Variants in HELZ observed in about 807,000 individuals in gnomAD.
The protein encoded by HELZ is helicase with zinc finger, also known as ATP-dependent RNA helicase with zinc finger domain.
Under a neutral mutation model 218.2 loss-of-function variants are expected in HELZ, and 23 were observed. The observed-to-expected ratio is 0.11, with a 90% confidence interval of 0.08 to 0.15. The LOEUF (loss-of-function observed/expected upper bound fraction) is 0.15, where lower values mean the gene tolerates loss of function less well. HELZ is among the 10% of genes least tolerant of loss of function. HELZ has a pLI of 1.00. For missense variants in HELZ, 1,813 were observed against 2,353.7 expected, an observed-to-expected ratio of 0.77 and a Z score of 4.75; for synonymous variants, 814 against 829.4, an observed-to-expected ratio of 0.98 and a Z score of 0.32.
At chr17:67,218,535 C>T in intron 4 of HELZ, 60 bp downstream of exon 4, 3 of 1,274,340 alleles carry the variant, frequency 2.4e-6, no homozygotes, top group Non-Finnish European at 3.4e-6. Flanking sequence ...ATCGTCACCC[C>T]TCAATGAAAA....
upstream of HELZ, chr17:67,245,846 C>T (rs1055627265): frequency 2.6e-5 from 4 of 152,232 alleles, no homozygotes; most frequent in African/African-American, 9.7e-5. Context: ...GCGGTCTCCT[C>T]CTCCGGGCGG....
In HELZ at chr17:67,108,575, G is replaced by A. The variant is rs760495940; in HGVS notation, c.4641C>T (p.Pro1547=). ...HPHLQHLPQP[P]LGLHQPPVRA... ...TCACTGGCGGCTGATGTAATCCCAG[G>A]GGCGGCTGAGGAAGATGCTGGAGGT... is the stretch of plus-strand genomic sequence containing the variant. Residue 1547 remains proline, a synonymous_variant, in exon 30 of 33, where the codon CCC becomes CCT. Transcript: ENST00000358691. The surrounding 1 kb of genome is among the most constrained non-coding windows in gnomAD (Gnocchi z 4.1). The A allele has an allele frequency of 8.1e-6, 13 of 1,613,914 alleles. No individual in the cohort carries two copies. In the South Asian group the frequency reaches 1.4e-4, roughly 18 times the overall value.
chr17:67,180,771 G>A (rs2039585117), intron 12 of HELZ, among the ~76,000 whole-genome samples: 1 of 151,846 alleles, frequency 6.6e-6, no homozygotes, highest in Non-Finnish European at 1.5e-5. Flanking sequence ...CCAGCTACTC[G>A]GGAGGCTGAG....
chr17:67,218,462 A>C, intron 4 of HELZ, 133 bp downstream of exon 4: 1 of 730,892 alleles, frequency 1.4e-6, no homozygotes, highest in Middle Eastern at 2.9e-4. Context: ...CTTGCCATCA[A>C]ATATATTCAG....
At chr17:67,106,837 C>A (rs927149518) in intron 31 of HELZ, among the ~76,000 whole-genome samples, 1 of 152,150 alleles carries the variant, frequency 6.6e-6, no homozygotes, top group African/African-American at 2.4e-5. Context: ...ATAATTAACA[C>A]ATGTAACTTA....
chr17:67,223,920 G>T (rs572024276), intron 3 of HELZ, among the ~76,000 whole-genome samples: 1 of 152,184 alleles, frequency 6.6e-6, no homozygotes, highest in African/African-American at 2.4e-5. Context: ...CCTCTGATCT[G>T]TTGCTGACCT....
Position 67,178,990 on chromosome 17 carries a change from A to G in HELZ, c.1163-64T>C, listed in dbSNP as rs986579306. On this transcript the variant is annotated intron_variant, in intron 12 of 32. Transcript: ENST00000358691. ...ACATTAAAATTTTTAAATAACATTA[A>G]AATTCTTAACTATATTACATATTTT... 2.8e-6 allele frequency: 3 copies of G among 1,086,366 alleles called. No individual in the cohort carries two copies. The African/African-American group carries it at 4.8e-5, about 17-fold the overall frequency. 67.3% of individuals were successfully genotyped at this position (1,086,366 alleles called of 1,614,324 possible). A position where few individuals can be genotyped will look rare whatever the true frequency, so the allele number is the denominator to read the frequency against.
chr17:67,090,045 T>C (rs1232306987), intron 31 of HELZ, among the ~76,000 whole-genome samples: 1 of 152,080 alleles, frequency 6.6e-6, no homozygotes, highest in East Asian at 1.9e-4. Context: ...AGCTGCAGAA[T>C]TGTTATAGAT....
At chr17:67,214,833 T>C (rs4791307) in intron 5 of HELZ, among the ~76,000 whole-genome samples, 45,452 of 151,874 alleles carry the variant, frequency 0.3, 7,873 homozygotes, top group East Asian at 0.69. Flanking sequence ...GCAAGAATCT[T>C]ATTAATCTCA....
intron 17 of HELZ, among the ~76,000 whole-genome samples, chr17:67,155,111 A>G (rs148309799): frequency 1.3e-5 from 2 of 152,372 alleles, no homozygotes; most frequent in Non-Finnish European, 2.9e-5. Context: ...CTTTGTCAGA[A>G]GGGTTGAAAG....
chr17:67,179,002 A>T, intron 12 of HELZ, 76 bp from the exon 13 acceptor site: 1 of 944,660 alleles, frequency 1.1e-6, no homozygotes, highest in Non-Finnish European at 1.5e-6. Context: ...ATTCTTAACT[A>T]TATTACATAT....
intron 23 of HELZ, among the ~76,000 whole-genome samples, chr17:67,132,403 C>T (rs2038015799): frequency 6.6e-6 from 1 of 152,224 alleles, no homozygotes; most frequent in African/African-American, 2.4e-5. Context: ...TAGCCTCCTG[C>T]CATTCCGTGC....
Position 67,203,403 on chromosome 17 carries a change from C to G in HELZ, c.288G>C (p.Arg96=). 2 of 1,614,156 alleles carry G rather than the reference C, an allele frequency of 1.2e-6. No individual in the cohort carries two copies. The highest frequency in any genetic ancestry group is 1.7e-6 in the Non-Finnish European group (2 of 1,180,006). ...TCAGCTGCATGCAGCAAAGCACTGC[C>G]CGAAAGGCATCTTCTCCCTTGGCCA... is the stretch of plus-strand genomic sequence containing the variant. ...EGLAKGEDAF[R]AVLCCMQLKG... is the part of the protein sequence containing the mutation. The change falls in exon 6 of 33, where the codon CGG becomes CGC. Residue 96 remains arginine (R), a synonymous_variant. Transcript: ENST00000358691.
chr17:67,237,970 A>C (rs922729569), intron 3 of HELZ, among the ~76,000 whole-genome samples: 6 of 150,708 alleles, frequency 4.0e-5, no homozygotes, highest in Non-Finnish European at 8.8e-5. Context: ...CCTGGGCAAC[A>C]AAAGCAAGAC....
intron 31 of HELZ, among the ~76,000 whole-genome samples, chr17:67,095,144 C>G (rs2036704270): frequency 6.6e-6 from 1 of 152,174 alleles, no homozygotes; most frequent in African/African-American, 2.4e-5. Context: ...ATTCTAAATC[C>G]TTTGAACTCC....
At chr17:67,182,763 A>C (rs892333983) in intron 12 of HELZ, among the ~76,000 whole-genome samples, 1 of 152,212 alleles carries the variant, frequency 6.6e-6, no homozygotes, top group African/African-American at 2.4e-5. Flanking sequence ...CACAAGATAC[A>C]TTTCCCAACT....
chr17:67,178,982 TAAC>T, intron 12 of HELZ, 56 bp from the exon 13 acceptor site: 1 of 1,179,254 alleles, frequency 8.5e-7, no homozygotes, highest in Non-Finnish European at 1.2e-6. Flanking sequence ...AATTTTTAAA[TAAC>T]ATTAAAATTC....
At chr17:67,166,653 A>G (rs2039154543) in intron 14 of HELZ, 45 bp from the exon 15 acceptor site, 1 of 1,588,082 alleles carries the variant, frequency 6.3e-7, no homozygotes, top group Non-Finnish European at 8.6e-7. Context: ...GAAAGCAAAC[A>G]TCAATGCTGG....
chr17:67,130,728 A>G (rs565921773), intron 23 of HELZ, among the ~76,000 whole-genome samples: 1 of 152,334 alleles, frequency 6.6e-6, no homozygotes, highest in African/African-American at 2.4e-5. Context: ...ATATTTATCA[A>G]TACAATTCTA....
Sources: allele counts gnomAD v4.1 joint callset (sites outside exome capture counted in the v4.1 genomes callset), GRCh38; gene constraint gnomAD v4.1.1; non-coding constraint Gnocchi (gnomAD v3.1); transcripts MANE v1.5; gene names NCBI Gene and HGNC (gene_info 2026-07-23, HGNC 2026-07-21).